The following MAP1LC3B variants were observed in gnomAD, a reference collection of about 807,000 sequenced individuals.
MAP1LC3B encodes the protein microtubule-associated protein 1 light chain 3 beta.
A neutral mutation model predicts 16.7 loss-of-function variants in MAP1LC3B; 12 were observed. The ratio of observed to expected loss-of-function variants is 0.72; its 90% CI spans 0.46 to 1.16. The LOEUF (loss-of-function observed/expected upper bound fraction) is 1.16. MAP1LC3B is among the 50% of genes most tolerant of loss of function. MAP1LC3B has a pLI of 0.00. For missense variants in MAP1LC3B, 155 were observed against 159.5 expected, an observed-to-expected ratio of 0.97 and a Z score of 0.15; for synonymous variants, 63 against 56.5, an observed-to-expected ratio of 1.11 and a Z score of -0.51.
intron 2 of MAP1LC3B, among the ~76,000 whole-genome samples, chr16:87,401,958 G>T (rs1479540091): frequency 5.3e-5 from 8 of 151,910 alleles, no homozygotes; most frequent in African/African-American, 1.9e-4. Flanking sequence ...TCAGCCTCCT[G>T]AGTAGCTGGG....
At chr16:87,397,401 G>T (rs1034780898) in intron 1 of MAP1LC3B, among the ~76,000 whole-genome samples, 1 of 151,958 alleles carries the variant, frequency 6.6e-6, no homozygotes, top group Non-Finnish European at 1.5e-5. Context: ...GGCGGATCAC[G>T]AGGTCAGGAG....
At chr16:87,395,687 C>T (rs1254379853) in intron 1 of MAP1LC3B, among the ~76,000 whole-genome samples, 1 of 152,058 alleles carries the variant, frequency 6.6e-6, no homozygotes, top group South Asian at 2.1e-4. Flanking sequence ...TTATTCTTTA[C>T]AGCTTAAGGA....
intron 2 of MAP1LC3B, chr16:87,400,130 ACGTGTGTG>A (rs1470648098): frequency 1.0e-5 from 1 of 95,958 alleles, no homozygotes; most frequent in African/African-American, 4.0e-5. Flanking sequence ...TAGTTCAAAT[ACGTGTGTG>A]TGTGTGTGTG....
At chr16:87,401,836 C>CT (rs550535300) in intron 2 of MAP1LC3B, among the ~76,000 whole-genome samples, 1,854 of 141,466 alleles carry the variant, frequency 0.013, 23 homozygotes, top group Middle Eastern at 0.039. Context: ...AGCCTGATGA[C>CT]TTTTTTTTTT....
rs1219731055 is a variant in MAP1LC3B, at chr16:87,403,792, A to G, written c.*695A>G. ...AGACACCACTCAAAAGGAAACTTGA[A>G]TAATTTATAATTTTGATCGAGTTTC... On this transcript the variant is annotated 3_prime_UTR_variant, in exon 4 of 4. Coordinates refer to ENST00000268607, the MANE Select transcript of MAP1LC3B (RefSeq NM_022818.5). The G allele has an allele frequency of 2.6e-5, 4 of 152,208 alleles. No homozygotes were observed. The highest frequency in any genetic ancestry group is 3.9e-4 in the East Asian group (2 of 5,194). 9.4% of individuals were successfully genotyped at this position (152,208 alleles called of 1,614,324 possible).
chr16:87,400,420 C>G (rs1218344619), intron 2 of MAP1LC3B: 2 of 151,978 alleles, frequency 1.3e-5, no homozygotes, highest in African/African-American at 2.4e-5. Context: ...ACCTCATGAT[C>G]TGCCTGCCTT....
At chr16:87,394,618 C>A (rs1907735506) in intron 1 of MAP1LC3B, among the ~76,000 whole-genome samples, 1 of 152,154 alleles carries the variant, frequency 6.6e-6, no homozygotes, top group South Asian at 2.1e-4. Context: ...CATGGTCCAC[C>A]TAGTGGCAGA....
intron 1 of MAP1LC3B, among the ~76,000 whole-genome samples, chr16:87,393,861 C>T (rs927429610): frequency 6.6e-5 from 10 of 152,250 alleles, no homozygotes; most frequent in African/African-American, 2.4e-4. Context: ...CGGCCCCCCT[C>T]AGACCTGGCT....
chr16:87,401,369 C>T (rs1182950443), intron 2 of MAP1LC3B, among the ~76,000 whole-genome samples: 2 of 152,106 alleles, frequency 1.3e-5, no homozygotes, highest in Admixed American at 6.6e-5. Context: ...GACATATTGT[C>T]TCTCTTGTAC....
intron 1 of MAP1LC3B, among the ~76,000 whole-genome samples, chr16:87,393,925 CT>C (rs2150709145): frequency 6.6e-6 from 1 of 152,242 alleles, no homozygotes; most frequent in African/African-American, 2.4e-5. Context: ...GAGAGATGCC[CT>C]TTTTCTCATA....
intron 2 of MAP1LC3B, among the ~76,000 whole-genome samples, chr16:87,400,767 G>T (rs564374398): frequency 1.3e-5 from 2 of 151,072 alleles, no homozygotes; most frequent in South Asian, 4.2e-4. Context: ...GGAACGCATA[G>T]CCTCACCTCC....
Position 87,403,111 on chromosome 16 carries a change from G to C in MAP1LC3B, c.*14G>C, listed in dbSNP as rs779899829. The C allele has an allele frequency of 2.3e-5, 37 of 1,583,652 alleles. No homozygotes were observed. The highest frequency in any genetic ancestry group is 3.2e-5 in the Non-Finnish European group (37 of 1,170,122). On this transcript the variant is annotated 3_prime_UTR_variant, in exon 4 of 4. Transcript: ENST00000268607. ...TTGTCAGTGTAAAACCAGAAAAAAT[G>C]CAGCTCTTCTAGAATTGTTTAAACC...
chr16:87,402,704 T>A (rs1908037516), intron 3 of MAP1LC3B: 1 of 618,364 alleles, frequency 1.6e-6, no homozygotes. Flanking sequence ...GTTCAGACAG[T>A]ATACTAGTTT....
chr16:87,398,487 A>C (rs1176334733), intron 1 of MAP1LC3B, among the ~76,000 whole-genome samples: 6 of 152,332 alleles, frequency 3.9e-5, no homozygotes, highest in Non-Finnish European at 7.3e-5. Context: ...TCTTTGGAGG[A>C]AGGACTGGGT....
chr16:87,392,374 G>T lies in MAP1LC3B; in HGVS notation c.-54G>T. On this transcript the variant is annotated 5_prime_UTR_variant, in exon 1 of 4. Coordinates refer to ENST00000268607, the MANE Select transcript of MAP1LC3B (RefSeq NM_022818.5). ...CCGCCGCAGCAGCCGCCGCCCCCGG[G>T]AGCCGCCGGGACCCTCGCGTCGTCG... is the stretch of plus-strand genomic sequence containing the variant. 3 of 1,385,312 alleles carry T rather than the reference G, an allele frequency of 2.2e-6. No homozygotes were observed. The highest frequency in any genetic ancestry group is 2.8e-6 in the Non-Finnish European group (3 of 1,077,688). The allele number at this position is 1,385,312 out of a possible 1,614,324, so 85.8% of individuals were successfully genotyped here.
At chr16:87,399,927 C>T (rs1907928837) in intron 2 of MAP1LC3B, 2 of 188,812 alleles carry the variant, frequency 1.1e-5, no homozygotes, top group Admixed American at 5.5e-5. Context: ...GCACGTGCCA[C>T]TACGCCCAGC....
chr16:87,399,165 C>T, intron 2 of MAP1LC3B: 1 of 377,622 alleles, frequency 2.6e-6, no homozygotes, highest in Non-Finnish European at 4.9e-6. Context: ...CACCACTACA[C>T]CTGGCTAATT....
chr16:87,402,339 T>C, intron 3 of MAP1LC3B, 58 bp downstream of exon 3: 1 of 1,485,518 alleles, frequency 6.7e-7, no homozygotes, highest in Non-Finnish European at 9.2e-7. Flanking sequence ...TTATTCTTTA[T>C]GAAACTTACA....
At position 87,403,622 on chromosome 16, in the gene MAP1LC3B, G is replaced by C. The variant is rs1313846375; in HGVS notation, c.*525G>C. The C allele has an allele frequency of 6.5e-6, 1 of 153,122 alleles. No homozygotes were observed. Among genetic ancestry groups the C allele is most frequent in the Non-Finnish European group, 1.5e-5 (1 of 68,676 alleles). The allele number at this position is 153,122 out of a possible 1,614,324, so 9.5% of individuals were successfully genotyped here. A position where few individuals can be genotyped will look rare whatever the true frequency, so the allele number is the denominator to read the frequency against. On this transcript the variant is annotated 3_prime_UTR_variant, in exon 4 of 4. Coordinates refer to ENST00000268607, the MANE Select transcript of MAP1LC3B (RefSeq NM_022818.5). ...TGCCATCACAGTTGGCACAAACGCA[G>C]GGTAAACGGGCTGTGTGAGAAAACG...
Sources: gnomAD v4.1 joint callset for allele counts (sites outside exome capture counted in the v4.1 genomes callset) on GRCh38, gnomAD v4.1.1 for gene constraint, MANE v1.5 for transcripts, NCBI Gene and HGNC (gene_info 2026-07-23, HGNC 2026-07-21) for gene names.